Variants in TIAM1 observed in about 807,000 individuals in gnomAD.
TIAM1 encodes TIAM Rac1 associated GEF 1.
A neutral mutation model predicts 163.5 loss-of-function variants in TIAM1; 65 were observed. That is an observed-to-expected ratio of 0.40 (90% CI 0.33 to 0.49). The LOEUF (loss-of-function observed/expected upper bound fraction) is 0.49, where lower values mean the gene tolerates loss of function less well. Among genes scored for constraint, TIAM1 ranks in the 20% least tolerant of loss-of-function variants. The pLI is 0.77. For missense variants in TIAM1, 1,789 were observed against 2,044.7 expected (o/e 0.87, Z 2.41); for synonymous variants, 833 against 810.1 (o/e 1.03, Z -0.48).
At chr21:31,281,512 T>C (rs1041457273) in intron 2 of TIAM1, among the ~76,000 whole-genome samples, 2 of 152,232 alleles carry the variant, frequency 1.3e-5, no homozygotes, top group South Asian at 2.1e-4. Context: ...TTCCTTTACA[T>C]TGAGCTTAAA....
intron 1 of TIAM1, among the ~76,000 whole-genome samples, chr21:31,529,189 G>A (rs1390111400): frequency 6.6e-6 from 1 of 151,820 alleles, no homozygotes; most frequent in Non-Finnish European, 1.5e-5. Flanking sequence ...AAAGTGCTGG[G>A]ATTACAGGTG....
intron 6 of TIAM1, among the ~76,000 whole-genome samples, chr21:31,236,443 C>T (rs2088768337): frequency 6.6e-6 from 1 of 151,952 alleles, no homozygotes; most frequent in Non-Finnish European, 1.5e-5. Context: ...ACACGGAAAC[C>T]AACAAAGAGA....
intron 2 of TIAM1, among the ~76,000 whole-genome samples, chr21:31,358,963 C>T (rs1396627978): frequency 2.6e-5 from 4 of 152,204 alleles, no homozygotes; most frequent in African/African-American, 9.7e-5. Flanking sequence ...TCCCCTTGTT[C>T]ATGCCACTGA....
chr21:31,292,726 C>T lies in TIAM1; in HGVS notation c.-188-15818G>A, dbSNP rs192354848. On this transcript the variant is annotated intron_variant, in intron 2 of 27. Coordinates refer to ENST00000541036, the MANE Select transcript of TIAM1 (RefSeq NM_001353694.2). ...CTTTGTTACCCAGGCTGGAGTGCAACGCGGTGATCTCAGCTCACTGCAACC... is the reference window on the plus strand; with the variant it reads ...CTTTGTTACCCAGGCTGGAGTGCAATGCGGTGATCTCAGCTCACTGCAACC... 4.7e-3 allele frequency among the ~76,000 whole-genome samples: 689 copies of T among 145,656 alleles called. 7 individuals carry two copies. The highest frequency in any genetic ancestry group is 0.017 in the African/African-American group (656 of 39,036).
intron 2 of TIAM1, among the ~76,000 whole-genome samples, chr21:31,432,863 C>T (rs535074676): frequency 6.6e-6 from 1 of 152,258 alleles, no homozygotes; most frequent in South Asian, 2.1e-4. Context: ...TATGTGGTCG[C>T]TCCCGTCAAA....
chr21:31,362,926 A>G (rs956268146), intron 2 of TIAM1, among the ~76,000 whole-genome samples: 1 of 151,884 alleles, frequency 6.6e-6, no homozygotes, highest in Non-Finnish European at 1.5e-5. Context: ...TTTTTTTTGC[A>G]TAGGATTGGT....
chr21:31,488,775 T>A (rs550404309), intron 1 of TIAM1, among the ~76,000 whole-genome samples: 3 of 152,034 alleles, frequency 2.0e-5, no homozygotes, highest in Non-Finnish European at 4.4e-5. Context: ...GGGATTATTA[T>A]AATTCAAGGT....
chr21:31,334,882 G>C lies in TIAM1; in HGVS notation c.-189+4361C>G, dbSNP rs79956798. Among the ~76,000 whole-genome samples, 1,230 of 152,236 alleles carry C rather than the reference G, an allele frequency of 8.1e-3. 15 individuals carry two copies. Among genetic ancestry groups the C allele is most frequent in the African/African-American group, 0.027 (1,137 of 41,526 alleles). On this transcript the variant is annotated intron_variant, in intron 2 of 27. Transcript: ENST00000541036. The stretch of plus-strand genomic sequence containing the variant: ...GAGCTTGTGTTTACCCACTGCCATG[G>C]GAGTATTTCCCAGTCAGCCTCTCCT...
intron 2 of TIAM1, among the ~76,000 whole-genome samples, chr21:31,306,313 T>C (rs946360558): frequency 2.6e-5 from 4 of 151,866 alleles, no homozygotes; most frequent in African/African-American, 9.7e-5. Context: ...ATAATACTAC[T>C]AGCAGATTAT....
chr21:31,244,417 G>C (rs951809103), intron 6 of TIAM1, among the ~76,000 whole-genome samples: 2 of 152,118 alleles, frequency 1.3e-5, no homozygotes, highest in African/African-American at 4.8e-5. Context: ...CGTTATATGT[G>C]AACACTTTTA....
chr21:31,132,560 A>G (rs541340071), intron 23 of TIAM1, among the ~76,000 whole-genome samples: 61 of 152,256 alleles, frequency 4.0e-4, no homozygotes, highest in African/African-American at 1.5e-3. Flanking sequence ...CTCTACCCCA[A>G]TGACTCTAAT....
chr21:31,162,731 T>C (rs903840642), intron 16 of TIAM1, among the ~76,000 whole-genome samples: 2 of 151,644 alleles, frequency 1.3e-5, no homozygotes, highest in African/African-American at 4.9e-5. Flanking sequence ...AACCTCTGTC[T>C]CCCAGGTTCA....
chr21:31,215,589 A>AAAAAAAAAAAAAAAAAAAAAAAAAAAG (rs1555893145), intron 9 of TIAM1, among the ~76,000 whole-genome samples: 1 of 147,558 alleles, frequency 6.8e-6, no homozygotes, highest in African/African-American at 2.6e-5. Flanking sequence ...AAAAAAAAAA[A>AAAAAAAAAAAAAAAAAAAAAAAAAAAG]GAAGAGAAAT....
chr21:31,337,867 A>G (rs2075895397), intron 2 of TIAM1, among the ~76,000 whole-genome samples: 1 of 152,074 alleles, frequency 6.6e-6, no homozygotes, highest in Non-Finnish European at 1.5e-5. Context: ...CCCTTGAAAA[A>G]GGCATGTAGC....
At chr21:31,302,652 A>G (rs1418493705) in intron 2 of TIAM1, among the ~76,000 whole-genome samples, 2 of 152,264 alleles carry the variant, frequency 1.3e-5, no homozygotes, top group East Asian at 3.8e-4. Flanking sequence ...ATAACGGCCA[A>G]GTCTGCCTTC....
At position 31,446,308 on chromosome 21, in the gene TIAM1, C is replaced by T. The variant is rs184154916; in HGVS notation, c.-369+17675G>A. Among the ~76,000 whole-genome samples the T allele has an allele frequency of 2.6e-5, 4 of 152,284 alleles. No homozygotes were observed. In the East Asian group the frequency reaches 7.7e-4, roughly 29 times the overall value. Reference sequence around the variant, plus strand: ...TCTGCAGCTGAAAAATAGAAGCAAGCTCTAGTTGCTTTCTACTTAAGATAG... The same window carrying T: ...TCTGCAGCTGAAAAATAGAAGCAAGTTCTAGTTGCTTTCTACTTAAGATAG... On this transcript the variant is annotated intron_variant, in intron 2 of 28. Coordinates refer to the TIAM1 transcript ENST00000286827.
chr21:31,340,958 C>A (rs2075998373), intron 1 of TIAM1, among the ~76,000 whole-genome samples: 1 of 151,592 alleles, frequency 6.6e-6, no homozygotes, highest in Non-Finnish European at 1.5e-5. Context: ...GATAAAAATA[C>A]TGAAAATATG....
At chr21:31,213,955 G>A (rs2087027477) in intron 9 of TIAM1, among the ~76,000 whole-genome samples, 2 of 151,858 alleles carry the variant, frequency 1.3e-5, no homozygotes, top group South Asian at 4.1e-4. Context: ...GGCTAAGGCA[G>A]GAGGATCACA....
chr21:31,374,086 G>A (rs932226246), intron 2 of TIAM1, among the ~76,000 whole-genome samples: 5 of 152,012 alleles, frequency 3.3e-5, no homozygotes, highest in African/African-American at 1.2e-4. Flanking sequence ...GCCCTTGTTG[G>A]GGAAGCCTCT....
Sources: allele counts gnomAD v4.1 joint callset (sites outside exome capture counted in the v4.1 genomes callset), GRCh38; gene constraint gnomAD v4.1.1; transcripts MANE v1.5; gene names NCBI Gene and HGNC (gene_info 2026-07-23, HGNC 2026-07-21).